CLNS1A: variants seen among roughly 807,000 people sequenced by gnomAD.
The protein encoded by CLNS1A is methylosome subunit pICln.
Under a neutral mutation model 29.4 loss-of-function variants are expected in CLNS1A, and 16 were observed. The ratio of observed to expected loss-of-function variants is 0.54; its 90% CI spans 0.37 to 0.83. The LOEUF (loss-of-function observed/expected upper bound fraction) is 0.83, where lower values mean the gene tolerates loss of function less well. Among genes scored for constraint, CLNS1A ranks in the 40% least tolerant of loss-of-function variants. The pLI, the probability that CLNS1A is intolerant of heterozygous loss-of-function variation, is 0.00. For missense variants in CLNS1A, 235 were observed against 287.4 expected, an observed-to-expected ratio of 0.82 and a Z score of 1.32; for synonymous variants, 96 against 104.8, an observed-to-expected ratio of 0.92 and a Z score of 0.51.
chr11:77,626,019 A>G (rs915230606), intron 2 of CLNS1A, among the ~76,000 whole-genome samples: 3 of 152,076 alleles, frequency 2.0e-5, no homozygotes, highest in African/African-American at 2.4e-5. Context: ...AGATCCACGC[A>G]CCTTGGCCTC....
intron 1 of CLNS1A, among the ~76,000 whole-genome samples, chr11:77,630,887 T>C (rs1328581698): frequency 6.6e-6 from 1 of 152,104 alleles, no homozygotes; most frequent in African/African-American, 2.4e-5. Flanking sequence ...GTGAAGAAAA[T>C]ATTCTAAAAT....
intron 3 of CLNS1A, 128 bp downstream of exon 3, chr11:77,625,589 G>GA: frequency 1.3e-6 from 1 of 759,328 alleles, no homozygotes; most frequent in Non-Finnish European, 2.0e-6. Context: ...CTAAAATAAA[G>GA]AAAAAGCAAT....
chr11:77,635,182 A>C (rs1959112302), intron 1 of CLNS1A, among the ~76,000 whole-genome samples: 1 of 152,192 alleles, frequency 6.6e-6, no homozygotes, highest in South Asian at 2.1e-4. Flanking sequence ...GTGGTTATAC[A>C]AGATAATGTC....
chr11:77,623,124 C>T (rs997139901), intron 4 of CLNS1A, among the ~76,000 whole-genome samples: 3 of 151,944 alleles, frequency 2.0e-5, no homozygotes, highest in African/African-American at 7.3e-5. Flanking sequence ...AGCCAGTAAA[C>T]AGCAATTCCC....
intron 1 of CLNS1A, among the ~76,000 whole-genome samples, chr11:77,631,599 G>A (rs1416520162): frequency 6.6e-6 from 1 of 151,708 alleles, no homozygotes; most frequent in Non-Finnish European, 1.5e-5. Flanking sequence ...TTATAGGCAT[G>A]AGCCACCACA....
intron 3 of CLNS1A, 75 bp downstream of exon 3, chr11:77,625,642 T>A: frequency 8.4e-7 from 1 of 1,187,970 alleles, no homozygotes. Flanking sequence ...TGTGTGTGTG[T>A]GTGTATGTGT....
intron 4 of CLNS1A, among the ~76,000 whole-genome samples, chr11:77,623,646 A>T (rs1958986460): frequency 6.6e-6 from 1 of 152,114 alleles, no homozygotes; most frequent in African/African-American, 2.4e-5. Context: ...GAAAAATTTT[A>T]AATCACTCAA....
At chr11:77,629,051 C>A (rs1180256148) in intron 2 of CLNS1A, among the ~76,000 whole-genome samples, 1 of 151,992 alleles carries the variant, frequency 6.6e-6, no homozygotes, top group Non-Finnish European at 1.5e-5. Context: ...GAAAATATAT[C>A]CCCCCTACAA....
Position 77,614,772 on chromosome 11 carries a change from G to T in CLNS1A, c.*1946C>A, listed in dbSNP as rs575578200. On this transcript the variant is annotated 3_prime_UTR_variant, in exon 7 of 7. Transcript: ENST00000525428. ...GGGGAAATGTCTATGTACCTTTAAA[G>T]TGTCTCTACATCAGGAACACACAAA... is the stretch of plus-strand genomic sequence containing the variant. 2.3e-4 allele frequency: 35 copies of T among 152,294 alleles called. No homozygotes were observed. Among genetic ancestry groups the T allele is most frequent in the African/African-American group, 8.2e-4 (34 of 41,570 alleles). The allele number at this position is 152,294 out of a possible 1,614,324, so 9.4% of individuals were successfully genotyped here.
At chr11:77,632,323 T>C (rs1022350088) in intron 1 of CLNS1A, among the ~76,000 whole-genome samples, 3 of 152,218 alleles carry the variant, frequency 2.0e-5, no homozygotes, top group African/African-American at 4.8e-5. Flanking sequence ...ACATTCCAAA[T>C]TTGGGTGTCC....
chr11:77,622,742 A>G, intron 4 of CLNS1A, 69 bp from the exon 5 acceptor site: 1 of 1,224,262 alleles, frequency 8.2e-7, no homozygotes, highest in Non-Finnish European at 1.1e-6. Flanking sequence ...TCAATAATAT[A>G]TCTGCCGCCA....
In CLNS1A at chr11:77,622,592, AGTGTG is replaced by A. The variant is rs1353619680; in HGVS notation, c.549_553del (p.Thr184GlyfsTer16). 1.2e-6 allele frequency: 2 copies of A among 1,613,864 alleles called. No homozygotes were observed. The highest frequency in any genetic ancestry group is 4.5e-5 in the East Asian group (2 of 44,876). ...AGAAAGCATTCCTTCTAATCTCTCCAGTGTGGCTTGGCCTTCTGCTGTTAGATGGG... is the reference window on the plus strand; with the variant it reads ...AGAAAGCATTCCTTCTAATCTCTCCAGCTTGGCCTTCTGCTGTTAGATGGG... On this transcript the variant is annotated frameshift_variant, in exon 5 of 7. Coordinates refer to ENST00000525428, the MANE Select transcript of CLNS1A (RefSeq NM_001293.3). LOFTEE classifies it high-confidence loss of function.
intron 6 of CLNS1A, among the ~76,000 whole-genome samples, chr11:77,617,832 C>T (rs1175081464): frequency 4.6e-5 from 7 of 151,008 alleles, no homozygotes; most frequent in African/African-American, 1.2e-4. Context: ...GCAGGAGAAT[C>T]GCTTGAACCC....
At chr11:77,637,004 GA>G (rs1238410446) in intron 1 of CLNS1A, among the ~76,000 whole-genome samples, 1 of 151,984 alleles carries the variant, frequency 6.6e-6, no homozygotes, top group Non-Finnish European at 1.5e-5. Context: ...CTCTGCATAT[GA>G]CCCCTGTCTG....
chr11:77,630,740 G>C (rs2135774465), intron 1 of CLNS1A, among the ~76,000 whole-genome samples: 1 of 152,176 alleles, frequency 6.6e-6, no homozygotes, highest in South Asian at 2.1e-4. Flanking sequence ...TCATCCATCT[G>C]GAGCTGTACC....
chr11:77,623,421 C>G (rs914421880), intron 4 of CLNS1A, among the ~76,000 whole-genome samples: 3 of 151,422 alleles, frequency 2.0e-5, no homozygotes, highest in Non-Finnish European at 4.4e-5. Flanking sequence ...AAGACTTCAT[C>G]TCTCCAAAAA....
rs1958898023 is a variant in CLNS1A at position 77,615,289 on chromosome 11, G to A, written c.*1429C>T. The A allele has an allele frequency of 6.6e-6, 1 of 152,202 alleles. No homozygotes were observed. The highest frequency in any genetic ancestry group is 6.5e-5 in the Admixed American group (1 of 15,268). The allele number at this position is 152,202 out of a possible 1,614,324, so 9.4% of individuals were successfully genotyped here. On this transcript the variant is annotated 3_prime_UTR_variant, in exon 7 of 7. Coordinates refer to ENST00000525428, the MANE Select transcript of CLNS1A (RefSeq NM_001293.3). ...GATGGGTAGCAGAGAAACTGGGGAAGCTCTTGTACTGGCCATTGAAATGTT... is the reference window on the plus strand; with the variant it reads ...GATGGGTAGCAGAGAAACTGGGGAAACTCTTGTACTGGCCATTGAAATGTT...
chr11:77,635,378 G>A (rs1959114531), intron 1 of CLNS1A, among the ~76,000 whole-genome samples: 2 of 141,526 alleles, frequency 1.4e-5, no homozygotes, highest in South Asian at 2.2e-4. Context: ...TTTTGAGACA[G>A]TCTCACTCTG....
chr11:77,622,056 C>T (rs1420953594), intron 5 of CLNS1A: 2 of 456,304 alleles, frequency 4.4e-6, no homozygotes, highest in South Asian at 3.1e-5. Flanking sequence ...TGAAGAGATG[C>T]CTGAATTGAC....
Sources: allele counts gnomAD v4.1 joint callset (sites outside exome capture counted in the v4.1 genomes callset), GRCh38; gene constraint gnomAD v4.1.1; transcripts MANE v1.5; gene names NCBI Gene and HGNC (gene_info 2026-07-23, HGNC 2026-07-21).